Variants in SV2B observed in about 807,000 individuals in gnomAD.
SV2B encodes solute carrier family 22 member B2.
In SV2B, 41 loss-of-function variants were observed where a neutral mutation model predicts 73.9. That is an observed-to-expected ratio of 0.56 (90% confidence interval 0.43 to 0.72). The LOEUF is 0.72. SV2B is among the 30% of genes least tolerant of loss of function. SV2B has a pLI of 0.00. For missense variants in SV2B, 764 were observed against 857.8 expected (o/e 0.89, Z 1.37); for synonymous variants, 314 against 314.2 (o/e 1.00, Z 0.01).
chr15:91,177,969 C>A (rs1177291638), intron 1 of SV2B, among the ~76,000 whole-genome samples: 1 of 148,880 alleles, frequency 6.7e-6, no homozygotes, highest in Non-Finnish European at 1.5e-5. Context: ...CTGTCTTGTG[C>A]CAGTTTTCAA....
chr15:91,285,016 A>C (rs928847504), intron 11 of SV2B, among the ~76,000 whole-genome samples: 6 of 152,220 alleles, frequency 3.9e-5, no homozygotes, highest in Non-Finnish European at 8.8e-5. Flanking sequence ...ATTAATAAAC[A>C]TGCCATTAGG....
At chr15:91,111,767 G>A (rs2042042109) in intron 1 of SV2B, among the ~76,000 whole-genome samples, 1 of 152,154 alleles carries the variant, frequency 6.6e-6, no homozygotes, top group African/African-American at 2.4e-5. Flanking sequence ...AGGCTACACA[G>A]GAAGCATGGT....
intron 2 of SV2B, among the ~76,000 whole-genome samples, chr15:91,230,116 C>T (rs1246485257): frequency 6.6e-6 from 1 of 152,040 alleles, no homozygotes; most frequent in African/African-American, 2.4e-5. Context: ...TGGTGCATGC[C>T]TGTAGTTCCA....
At chr15:91,111,885 A>G (rs750812515) in intron 1 of SV2B, among the ~76,000 whole-genome samples, 1 of 152,030 alleles carries the variant, frequency 6.6e-6, no homozygotes, top group Non-Finnish European at 1.5e-5. Flanking sequence ...GGGAGTTGCC[A>G]CATATTTTTA....
intron 2 of SV2B, among the ~76,000 whole-genome samples, chr15:91,228,741 C>T (rs796327610): frequency 1.5e-4 from 23 of 152,330 alleles, no homozygotes; most frequent in African/African-American, 5.3e-4. Flanking sequence ...AGTGACTCCA[C>T]CCAAGTGGAG....
In SV2B at chr15:91,258,526, T is replaced by C; in HGVS notation, c.890T>C (p.Met297Thr). The C allele has an allele frequency of 6.2e-7, 1 of 1,614,134 alleles. No individual in the cohort carries two copies. Among genetic ancestry groups the C allele is most frequent in the Non-Finnish European group, 8.5e-7 (1 of 1,179,970 alleles). Residue 297 changes from methionine to threonine, a missense_variant, in exon 5 of 13, where the codon ATG (methionine) becomes ACG (threonine). Transcript: ENST00000394232. The surrounding 1 kb of genome is among the most constrained non-coding windows in gnomAD (Gnocchi z 4.7). ...CTVSMVALKF[M>T]PESPRFLLEM... ...GTGTCCATGGTGGCCCTGAAGTTCATGCCAGAGAGCCCAAGGTTTCTGCTA... is the reference window on the plus strand; with the variant it reads ...GTGTCCATGGTGGCCCTGAAGTTCACGCCAGAGAGCCCAAGGTTTCTGCTA...
rs754321586 is a variant in SV2B at position 91,294,312 on chromosome 15, C to T, written c.*1760C>T. 6.6e-6 allele frequency: 1 copy of T among 152,110 alleles called. No individual in the cohort carries two copies. Among genetic ancestry groups the T allele is most frequent in the Admixed American group, 6.5e-5 (1 of 15,268 alleles). The allele number at this position is 152,110 out of a possible 1,614,324, so 9.4% of individuals were successfully genotyped here. A position where few individuals can be genotyped will look rare whatever the true frequency, so the allele number is the denominator to read the frequency against. On this transcript the variant is annotated 3_prime_UTR_variant, in exon 13 of 13. Transcript: ENST00000394232. This position sits in a 1 kb window ranked among gnomAD's most constrained non-coding sequence, Gnocchi z 4.1. Reference sequence around the variant, plus strand: ...GGTAAATCTTATGACACCTTTCCACCGTCGATTTGAGATCAGTTTTAATGG... The same window carrying T: ...GGTAAATCTTATGACACCTTTCCACTGTCGATTTGAGATCAGTTTTAATGG...
intron 1 of SV2B, among the ~76,000 whole-genome samples, chr15:91,173,545 G>A (rs2037653842): frequency 6.6e-6 from 1 of 152,116 alleles, no homozygotes; most frequent in African/African-American, 2.4e-5. Context: ...GGCCCACCCA[G>A]GGCCACTGTC....
Position 91,283,650 on chromosome 15 carries a change from C to T in SV2B, c.1508-371C>T, listed in dbSNP as rs1370785914. Among the ~76,000 whole-genome samples the T allele has an allele frequency of 1.3e-5, 2 of 152,038 alleles. No homozygotes were observed. Among genetic ancestry groups the T allele is most frequent in the African/African-American group, 2.4e-5 (1 of 41,382 alleles). The stretch of plus-strand genomic sequence containing the variant: ...TTATTTATTTGTAGAGATAAGGTCT[C>T]ACTGTGTTGCCCAGGCTGGTCCTGA... On this transcript the variant is annotated intron_variant, in intron 10 of 12. Transcript: ENST00000394232. This position sits in a 1 kb window ranked among gnomAD's most constrained non-coding sequence, Gnocchi z 4.3.
At chr15:91,178,316 G>A (rs999686646) in intron 1 of SV2B, among the ~76,000 whole-genome samples, 1,796 of 150,516 alleles carry the variant, frequency 0.012, 37 homozygotes, top group African/African-American at 0.042. Context: ...GAGGATTTTT[G>A]CATCAATGTT....
chr15:91,155,990 T>C (rs145916025), intron 1 of SV2B, among the ~76,000 whole-genome samples: 50 of 152,134 alleles, frequency 3.3e-4, no homozygotes, highest in Admixed American at 1.0e-3. Context: ...ACATTGATAT[T>C]CTGATGAGCT....
intron 5 of SV2B, among the ~76,000 whole-genome samples, chr15:91,259,816 T>G (rs976990153): frequency 6.6e-6 from 1 of 152,180 alleles, no homozygotes; most frequent in African/African-American, 2.4e-5. Flanking sequence ...AGCAGTTATA[T>G]CGAAACAAGG....
intron 1 of SV2B, among the ~76,000 whole-genome samples, chr15:91,184,279 T>C (rs1482678578): frequency 3.9e-5 from 6 of 152,144 alleles, no homozygotes; most frequent in African/African-American, 1.4e-4. Context: ...TGAGTGGAAG[T>C]TCATGGGCTC....
Position 91,261,148 on chromosome 15 carries a change from A to G in SV2B, c.1008+739A>G, listed in dbSNP as rs1056267818. Among the ~76,000 whole-genome samples, 2 of 152,166 alleles carry G rather than the reference A, an allele frequency of 1.3e-5. No individual in the cohort carries two copies. The highest frequency in any genetic ancestry group is 1.9e-4 in the East Asian group (1 of 5,196). On this transcript the variant is annotated intron_variant, in intron 6 of 12. Transcript: ENST00000394232. The surrounding 1 kb of genome is among the most constrained non-coding windows in gnomAD (Gnocchi z 4.7). ...CATGGTGGCGGGTACCTAAAATCCC[A>G]GCTACTCAGGAGGCTGAGGCAGGAG...
chr15:91,249,095 C>T (rs1320588736), intron 2 of SV2B, among the ~76,000 whole-genome samples: 1 of 149,446 alleles, frequency 6.7e-6, no homozygotes, highest in Non-Finnish European at 1.5e-5. Context: ...CACACACACA[C>T]ACACACACAC....
intron 4 of SV2B, among the ~76,000 whole-genome samples, chr15:91,255,857 G>T (rs2047670006): frequency 6.6e-6 from 1 of 152,174 alleles, no homozygotes; most frequent in Non-Finnish European, 1.5e-5. Context: ...TGTCCGCAGT[G>T]AACCAGACAT....
intron 1 of SV2B, among the ~76,000 whole-genome samples, chr15:91,114,695 C>T (rs1472556069): frequency 6.6e-6 from 1 of 152,132 alleles, no homozygotes; most frequent in Non-Finnish European, 1.5e-5. Flanking sequence ...TCACTGTTTC[C>T]AGCCTAGAGT....
chr15:91,175,645 C>G (rs544166501), intron 1 of SV2B, among the ~76,000 whole-genome samples: 12 of 151,952 alleles, frequency 7.9e-5, no homozygotes, highest in African/African-American at 2.9e-4. Context: ...GAAGACAGTG[C>G]AAAATTTCTC....
At position 91,234,649 on chromosome 15, in the gene SV2B, AC is replaced by A. The variant is rs755991558; in HGVS notation, c.451+7936del. 1.3e-5 allele frequency among the ~76,000 whole-genome samples: 2 copies of A among 152,198 alleles called. No individual in the cohort carries two copies. Among genetic ancestry groups the A allele is most frequent in the Admixed American group, 6.5e-5 (1 of 15,274 alleles). On this transcript the variant is annotated intron_variant, in intron 2 of 12. Transcript: ENST00000394232. This position sits in a 1 kb window ranked among gnomAD's most constrained non-coding sequence, Gnocchi z 5.6. Reference sequence around the variant, plus strand: ...AACAGAAGTCTCATGAAATATAGAAACAGAGCATCATGGCTTCTTGGTCAAT... The same window carrying A: ...AACAGAAGTCTCATGAAATATAGAAAAGAGCATCATGGCTTCTTGGTCAAT...
Sources: allele counts gnomAD v4.1 joint callset (sites outside exome capture counted in the v4.1 genomes callset), GRCh38; gene constraint gnomAD v4.1.1; non-coding constraint Gnocchi (gnomAD v3.1); transcripts MANE v1.5; gene names NCBI Gene and HGNC (gene_info 2026-07-23, HGNC 2026-07-21).